The following TBC1D14 variants were observed in gnomAD, a reference collection of about 807,000 sequenced individuals.
TBC1D14 encodes the protein TBC1 domain family, member 14.
TBC1D14 carries 26 observed loss-of-function variants against 79.0 expected under a neutral mutation model. That is an observed-to-expected ratio of 0.33 (90% CI 0.24 to 0.46). The LOEUF is 0.46. Ranked by LOEUF, TBC1D14 falls within the 20% of genes least tolerant of loss-of-function variation. TBC1D14 has a pLI of 1.00. For missense variants in TBC1D14, 769 were observed against 887.6 expected, an observed-to-expected ratio of 0.87 and a Z score of 1.70; for synonymous variants, 394 against 349.9, an observed-to-expected ratio of 1.13 and a Z score of -1.40.
intron 2 of TBC1D14, among the ~76,000 whole-genome samples, chr4:6,930,584 G>GGT (rs1224858193): frequency 6.6e-6 from 1 of 152,106 alleles, no homozygotes; most frequent in African/African-American, 2.4e-5. Flanking sequence ...GATCACTTGA[G>GGT]GTCGGGAGTT....
chr4:6,976,875 T>C (rs1716755880), intron 3 of TBC1D14, among the ~76,000 whole-genome samples: 1 of 152,102 alleles, frequency 6.6e-6, no homozygotes, highest in Admixed American at 6.5e-5. Flanking sequence ...ATAATTATAA[T>C]GCAAAGTTGG....
chr4:7,030,005 A>G (rs1722880056), intron 13 of TBC1D14, among the ~76,000 whole-genome samples: 1 of 152,158 alleles, frequency 6.6e-6, no homozygotes, highest in African/African-American at 2.4e-5. Flanking sequence ...CACAGGGCTT[A>G]TTAGCATCCT....
In TBC1D14 at chr4:6,913,019, G is replaced by A. The variant is rs147063288; in HGVS notation, c.-18+3068G>A. On this transcript the variant is annotated intron_variant, in intron 1 of 13. Transcript: ENST00000409757. ...ATTCTATTCTATTTTTTGAGACAGC[G>A]TTTCGCTCTTGTTGCCCAGGCTGGA... 2.0e-5 allele frequency among the ~76,000 whole-genome samples: 3 copies of A among 152,246 alleles called. No homozygotes were observed. In the East Asian group the frequency reaches 5.8e-4, roughly 29 times the overall value.
intron 3 of TBC1D14, among the ~76,000 whole-genome samples, chr4:6,973,924 A>C (rs1320877465): frequency 6.6e-6 from 1 of 152,104 alleles, no homozygotes; most frequent in Non-Finnish European, 1.5e-5. Context: ...CCTGGGTTCA[A>C]GTGATTCTCC....
At chr4:6,986,609 C>G (rs934080661) in intron 3 of TBC1D14, among the ~76,000 whole-genome samples, 3 of 152,182 alleles carry the variant, frequency 2.0e-5, no homozygotes. Context: ...TTGTCGCAGA[C>G]CGGACTTGCT....
chr4:6,959,238 G>C (rs907564207), intron 2 of TBC1D14, among the ~76,000 whole-genome samples: 2 of 152,208 alleles, frequency 1.3e-5, no homozygotes, highest in Admixed American at 6.5e-5. Flanking sequence ...GAGCCTTGGA[G>C]ACGATAGGTG....
intron 12 of TBC1D14, among the ~76,000 whole-genome samples, chr4:7,016,678 C>T (rs1404360471): frequency 6.6e-6 from 1 of 152,190 alleles, no homozygotes; most frequent in African/African-American, 2.4e-5. Flanking sequence ...GGTTTCATGA[C>T]CCAGTACCTA....
intron 5 of TBC1D14, among the ~76,000 whole-genome samples, chr4:6,998,357 CTA>C (rs1491519904): frequency 7.4e-6 from 1 of 135,340 alleles, no homozygotes; most frequent in Non-Finnish European, 1.6e-5. Context: ...AAAACTCCGT[CTA>C]AAAAAAAAAA....
intron 2 of TBC1D14, among the ~76,000 whole-genome samples, chr4:6,926,484 C>G (rs1724305949): frequency 1.3e-5 from 2 of 152,354 alleles, no homozygotes; most frequent in South Asian, 4.1e-4. Context: ...AAACAAGTGT[C>G]TCTTCTTTTA....
At chr4:7,002,391 C>G (rs556903233) in intron 7 of TBC1D14, among the ~76,000 whole-genome samples, 25 of 152,318 alleles carry the variant, frequency 1.6e-4, no homozygotes, top group African/African-American at 6.0e-4. Flanking sequence ...ATGGAATGCA[C>G]AGTACCTTGT....
intron 2 of TBC1D14, chr4:6,954,209 C>CGGGACT (rs972496118): frequency 1.4e-6 from 1 of 704,540 alleles, no homozygotes; most frequent in African/African-American, 1.8e-5. Context: ...GGAGTTTCCC[C>CGGGACT]GGGACTGTGG....
chr4:6,987,010 G>C (rs919954490), intron 3 of TBC1D14, among the ~76,000 whole-genome samples: 6 of 152,224 alleles, frequency 3.9e-5, no homozygotes, highest in African/African-American at 1.4e-4. Context: ...GCAGAAGCTG[G>C]CTCTCCGCCT....
chr4:6,948,546 A>G (rs1247365669), intron 2 of TBC1D14, among the ~76,000 whole-genome samples: 3 of 151,060 alleles, frequency 2.0e-5, no homozygotes, highest in African/African-American at 4.9e-5. Flanking sequence ...GTTCTCACGG[A>G]TGTCACTGGC....
chr4:7,002,046 A>G (rs1577151974), intron 7 of TBC1D14, among the ~76,000 whole-genome samples: 1 of 152,062 alleles, frequency 6.6e-6, no homozygotes, highest in African/African-American at 2.4e-5. Context: ...TTTGATTTGT[A>G]TCTTCGCTCT....
Position 6,999,137 on chromosome 4 carries a change from C to G in TBC1D14, c.1098C>G (p.Val366=). The G allele has an allele frequency of 6.2e-7, 1 of 1,614,104 alleles. No individual in the cohort carries two copies. The highest frequency in any genetic ancestry group is 1.1e-5 in the South Asian group (1 of 91,060). ...AGCAGCTGGAAGAAAGATGCAGAGT[C>G]GAGGAAAGCATTGGAAACGCTGTGC... is the stretch of plus-strand genomic sequence containing the variant. ...RKKQLEERCR[V]EESIGNAVLT... The change falls in exon 6 of 14, where the codon GTC becomes GTG. Residue 366 remains valine, a synonymous_variant. Transcript: ENST00000409757.
chr4:6,916,862 C>T (rs1010094247), intron 1 of TBC1D14, among the ~76,000 whole-genome samples: 2 of 152,224 alleles, frequency 1.3e-5, no homozygotes, highest in African/African-American at 2.4e-5. Flanking sequence ...GGTGCTGGGG[C>T]GTTCCTCCTG....
chr4:6,950,619 G>A lies in TBC1D14; in HGVS notation c.723-16685G>A, dbSNP rs144513825. ...GAAGTCTCCTTTTAGTCCTAGTAAA[G>A]GTGTTTTAAAAAAATTATGACTGTT... On this transcript the variant is annotated intron_variant, in intron 2 of 13. Transcript: ENST00000409757. Among the ~76,000 whole-genome samples the A allele has an allele frequency of 6.6e-3, 1,011 of 152,130 alleles. 12 individuals carry two copies. Among genetic ancestry groups the A allele is most frequent in the African/African-American group, 0.023 (938 of 41,494 alleles).
chr4:7,027,732 A>C (rs1186350265), intron 13 of TBC1D14, among the ~76,000 whole-genome samples: 1 of 100,940 alleles, frequency 9.9e-6, no homozygotes, highest in African/African-American at 4.0e-5. Flanking sequence ...ATCACCCCCC[A>C]CACATCACAC....
chr4:6,940,559 G>A (rs2108973215), intron 2 of TBC1D14, among the ~76,000 whole-genome samples: 1 of 152,226 alleles, frequency 6.6e-6, no homozygotes, highest in Admixed American at 6.5e-5. Context: ...GCCTGAGGGT[G>A]TGTTTGACCC....
Sources: gnomAD v4.1 joint callset for allele counts (sites outside exome capture counted in the v4.1 genomes callset) on GRCh38, gnomAD v4.1.1 for gene constraint, MANE v1.5 for transcripts, NCBI Gene and HGNC (gene_info 2026-07-23, HGNC 2026-07-21) for gene names.